The following TBC1D5 variants were observed in gnomAD, a reference collection of about 807,000 sequenced individuals.
TBC1D5 encodes the protein TBC1 domain family, member 5.
In TBC1D5, 75 loss-of-function variants were observed where a neutral mutation model predicts 100.3. The observed-to-expected ratio is 0.75, with a 90% CI of 0.62 to 0.91. TBC1D5 has a LOEUF of 0.91. TBC1D5 is among the 40% of genes least tolerant of loss of function. The pLI, the probability that TBC1D5 is intolerant of heterozygous loss-of-function variation, is 0.00. For synonymous variants in TBC1D5, 323 were observed against 325.6 expected, an observed-to-expected ratio of 0.99 and a Z score of 0.09; for missense variants, 910 against 942.4, an observed-to-expected ratio of 0.97 and a Z score of 0.45.
At chr3:17,161,359 C>T (rs953773855) in intron 21 of TBC1D5, 103 bp from the exon 23 acceptor site, 9 of 1,309,836 alleles carry the variant, frequency 6.9e-6, no homozygotes, top group Non-Finnish European at 7.3e-6. Flanking sequence ...AAAGCTAGGC[C>T]ACCTCACCCT....
exon 18 of TBC1D5, chr3:17,214,281 T>C: frequency 1.9e-6 from 3 of 1,613,572 alleles, no homozygotes; most frequent in Non-Finnish European, 2.5e-6. Context: ...TCTTTTTTAG[T>C]AGCAGATGAA....
chr3:17,355,870 A>G (rs976661674), intron 13 of TBC1D5, among the ~76,000 whole-genome samples: 70 of 152,244 alleles, frequency 4.6e-4, no homozygotes, highest in African/African-American at 1.5e-3. Context: ...TCTTTGTTTG[A>G]TTTTATAGCT....
chr3:17,703,217 T>C lies in TBC1D5; in HGVS notation c.-101+36126A>G, dbSNP rs532363827. Among the ~76,000 whole-genome samples the C allele has an allele frequency of 1.3e-4, 20 of 152,198 alleles. No individual in the cohort carries two copies. The South Asian group carries it at 3.9e-3, about 30-fold the overall frequency. The stretch of plus-strand genomic sequence containing the variant: ...AAGAAAAATATTCCATAGTGCCTTC[T>C]GAGTTTTTACTCAATTATAATTACA... On this transcript the variant is annotated intron_variant, in intron 1 of 21. Transcript: ENST00000253692.
intron 4 of TBC1D5, among the ~76,000 whole-genome samples, chr3:17,416,638 A>G (rs2094080435): frequency 6.6e-6 from 1 of 152,226 alleles, no homozygotes; most frequent in African/African-American, 2.4e-5. Context: ...TATTCTAAAT[A>G]AATGGTGCTA....
intron 19 of TBC1D5, among the ~76,000 whole-genome samples, chr3:17,183,363 A>C (rs1469262814): frequency 6.6e-6 from 1 of 152,046 alleles, no homozygotes; most frequent in Admixed American, 6.5e-5. Context: ...TGGAATAAAA[A>C]GTCTCCTTAT....
At chr3:17,690,772 C>A (rs145858457) in intron 1 of TBC1D5, among the ~76,000 whole-genome samples, 1 of 152,050 alleles carries the variant, frequency 6.6e-6, no homozygotes, top group Non-Finnish European at 1.5e-5. Context: ...CAGTTTCATC[C>A]GAAAACCATA....
chr3:17,376,465 A>G (rs1474802055), intron 10 of TBC1D5, 60 bp downstream of exon 10: 1 of 1,479,750 alleles, frequency 6.8e-7, no homozygotes, highest in East Asian at 2.3e-5. Context: ...AGGTTTCAAA[A>G]ACAAAGGTTA....
chr3:17,575,776 A>C (rs901726662), intron 2 of TBC1D5, among the ~76,000 whole-genome samples: 1 of 152,170 alleles, frequency 6.6e-6, no homozygotes, highest in African/African-American at 2.4e-5. Flanking sequence ...AATGTAAATA[A>C]GACAGAGAAT....
chr3:17,441,588 T>C (rs2094657934), intron 3 of TBC1D5, among the ~76,000 whole-genome samples: 1 of 151,928 alleles, frequency 6.6e-6, no homozygotes, highest in Non-Finnish European at 1.5e-5. Context: ...AGGATAAGAA[T>C]ACAGGATAAG....
intron 13 of TBC1D5, among the ~76,000 whole-genome samples, chr3:17,308,438 T>C (rs1401596646): frequency 6.6e-6 from 1 of 152,084 alleles, no homozygotes; most frequent in Non-Finnish European, 1.5e-5. Flanking sequence ...AATGAATGTT[T>C]AGTAGTCTGG....
chr3:17,174,965 C>T (rs2067563208), intron 19 of TBC1D5, among the ~76,000 whole-genome samples: 1 of 152,138 alleles, frequency 6.6e-6, no homozygotes, highest in South Asian at 2.1e-4. Flanking sequence ...CCTGCTACCA[C>T]TAGGGCTGAT....
Position 17,319,800 on chromosome 3 carries a change from G to A in TBC1D5, c.996-11666C>T, listed in dbSNP as rs151200813. Reference sequence around the variant, plus strand: ...CAGGAGAATGGTGTGAACCCGGGAGGCGGAGCTTGCAGTGGGCCAAGATTG... The same window carrying A: ...CAGGAGAATGGTGTGAACCCGGGAGACGGAGCTTGCAGTGGGCCAAGATTG... On this transcript the variant is annotated intron_variant, in intron 13 of 21. Coordinates refer to ENST00000253692, the Ensembl canonical transcript of TBC1D5. Among the ~76,000 whole-genome samples the A allele has an allele frequency of 3.4e-3, 520 of 152,190 alleles. 2 individuals are homozygous for A. Among genetic ancestry groups the A allele is most frequent in the African/African-American group, 0.012 (506 of 41,526 alleles).
chr3:17,742,349 G>T, upstream of TBC1D5: 1 of 153,606 alleles, frequency 6.5e-6, no homozygotes. Flanking sequence ...GCGCGAAGGG[G>T]GGCGAAACCT....
Position 17,413,222 on chromosome 3 carries a change from C to G in TBC1D5, c.168-6696G>C, listed in dbSNP as rs142211748. On this transcript the variant is annotated intron_variant, in intron 4 of 21. Transcript: ENST00000253692. Reference sequence around the variant, plus strand: ...AGATGAGTAGGTTTCATTTCTCAGGCCAATGTTAATAGATCAGTACTGGCT... The same window carrying G: ...AGATGAGTAGGTTTCATTTCTCAGGGCAATGTTAATAGATCAGTACTGGCT... Among the ~76,000 whole-genome samples the G allele has an allele frequency of 3.5e-3, 530 of 152,252 alleles. 4 individuals carry two copies. The highest frequency in any genetic ancestry group is 0.012 in the African/African-American group (503 of 41,538).
intron 18 of TBC1D5, among the ~76,000 whole-genome samples, chr3:17,188,822 A>C (rs2069490035): frequency 6.6e-6 from 1 of 152,242 alleles, no homozygotes; most frequent in Admixed American, 6.5e-5. Flanking sequence ...TGTTTTCATT[A>C]AACTGGTCCT....
At chr3:17,438,481 T>G (rs750518277) in intron 3 of TBC1D5, among the ~76,000 whole-genome samples, 11 of 152,152 alleles carry the variant, frequency 7.2e-5, no homozygotes, top group African/African-American at 9.7e-5. Context: ...TCTCACGAGA[T>G]CTGATGGTTT....
intron 3 of TBC1D5, among the ~76,000 whole-genome samples, chr3:17,475,415 T>A (rs139744228): frequency 1.1e-3 from 166 of 152,242 alleles, no homozygotes; most frequent in African/African-American, 3.8e-3. Context: ...AACACTTTAG[T>A]AAATGATATC....
intron 13 of TBC1D5, among the ~76,000 whole-genome samples, chr3:17,362,393 A>G (rs2091801904): frequency 6.6e-6 from 1 of 152,194 alleles, no homozygotes; most frequent in African/African-American, 2.4e-5. Context: ...ATGGACTTGT[A>G]TCCAGAATAA....
At chr3:17,705,722 G>C (rs1249869181) in intron 1 of TBC1D5, among the ~76,000 whole-genome samples, 1 of 138,716 alleles carries the variant, frequency 7.2e-6, no homozygotes, top group Non-Finnish European at 1.6e-5. Flanking sequence ...TCACTTCCTA[G>C]ATGGGATGGC....
Sources: gnomAD v4.1 joint callset for allele counts (sites outside exome capture counted in the v4.1 genomes callset) on GRCh38, gnomAD v4.1.1 for gene constraint, MANE v1.5 for transcripts, NCBI Gene and HGNC (gene_info 2026-07-23, HGNC 2026-07-21) for gene names.